Variants in TBC1D32 observed in about 807,000 individuals in gnomAD.
TBC1D32 encodes the protein TBC1 domain family member 32.
In TBC1D32, 151 loss-of-function variants were observed where a neutral mutation model predicts 170.3. That is an observed-to-expected ratio of 0.89 (90% CI 0.78 to 1.01). The LOEUF (loss-of-function observed/expected upper bound fraction) is 1.01. TBC1D32 is among the 50% of genes least tolerant of loss of function. The pLI is 0.00. For missense variants in TBC1D32, 1,464 were observed against 1,457.1 expected (o/e 1.00, Z -0.08); for synonymous variants, 498 against 488.0 (o/e 1.02, Z -0.27).
chr6:121,267,964 C>T (rs1800773166), intron 15 of TBC1D32, among the ~76,000 whole-genome samples: 2 of 152,172 alleles, frequency 1.3e-5, no homozygotes, highest in Non-Finnish European at 2.9e-5. Flanking sequence ...TGCTGTTCTG[C>T]AGCCTCCACT....
At chr6:121,220,000 C>A (rs1427309772) in intron 21 of TBC1D32, among the ~76,000 whole-genome samples, 1 of 152,188 alleles carries the variant, frequency 6.6e-6, no homozygotes. Context: ...CTGATTGTTC[C>A]ACCAACTGGT....
chr6:121,218,998 T>G (rs918934815), intron 21 of TBC1D32, among the ~76,000 whole-genome samples: 4 of 152,186 alleles, frequency 2.6e-5, no homozygotes, highest in Non-Finnish European at 5.9e-5. Flanking sequence ...TTATCCAGTC[T>G]CAAGTATGTC....
chr6:121,212,459 T>A (rs7453926), intron 21 of TBC1D32, among the ~76,000 whole-genome samples: 4 of 130,512 alleles, frequency 3.1e-5, no homozygotes, highest in African/African-American at 1.3e-4. Context: ...TCTTTTTTTT[T>A]TTTTTTTTTT....
chr6:121,131,427 A>G (rs1397717879), intron 25 of TBC1D32, among the ~76,000 whole-genome samples, 200 bp downstream of exon 25: 3 of 151,912 alleles, frequency 2.0e-5, no homozygotes, highest in Admixed American at 1.3e-4. Flanking sequence ...GACAGTTCCA[A>G]AAAGAAAAAA....
chr6:121,085,210 CATATATATACACAT>C (rs199819393), intron 31 of TBC1D32, among the ~76,000 whole-genome samples: 3,561 of 147,284 alleles, frequency 0.024, 145 homozygotes, highest in East Asian at 0.13. Flanking sequence ...TATATATACA[CATATATATACACAT>C]ATATATATAC....
At chr6:121,168,739 C>T (rs961679772) in intron 22 of TBC1D32, among the ~76,000 whole-genome samples, 60 of 96,390 alleles carry the variant, frequency 6.2e-4, no homozygotes, top group African/African-American at 2.1e-3. Context: ...AAAAAATCAA[C>T]ATGCAAAAAT....
At chr6:121,146,552 G>A (rs949391686) in intron 24 of TBC1D32, among the ~76,000 whole-genome samples, 1 of 152,148 alleles carries the variant, frequency 6.6e-6, no homozygotes, top group Non-Finnish European at 1.5e-5. Context: ...TTTGAGAAGA[G>A]AGAAATTTTG....
At chr6:121,115,115 G>A (rs1277297221) in intron 27 of TBC1D32, 57 bp downstream of exon 27, 2 of 1,353,026 alleles carry the variant, frequency 1.5e-6, no homozygotes, top group East Asian at 4.8e-5. Context: ...GAGCACATAT[G>A]AGGCAGATAA....
chr6:121,304,576 A>T lies in TBC1D32; in HGVS notation c.819T>A (p.Thr273=), dbSNP rs1563324078. 1 of 1,612,316 alleles carries T rather than the reference A, an allele frequency of 6.2e-7. No homozygotes were observed. Among genetic ancestry groups the T allele is most frequent in the Non-Finnish European group, 8.5e-7 (1 of 1,179,008 alleles). ...YFLSRENHIP[T]LSAGVDITNP... ...TAGTTATATCTACACCAGCTGAAAG[A>T]GTAGGAATATGATTTTCCCTAGAAA... Residue 273 remains threonine (T), a synonymous_variant, in exon 7 of 32, where the codon ACT becomes ACA. Coordinates refer to ENST00000398212, the MANE Select transcript of TBC1D32 (RefSeq NM_152730.6).
Position 121,080,645 on chromosome 6 carries a change from A to G in TBC1D32, c.*126T>C, listed in dbSNP as rs1331241368. The G allele has an allele frequency of 7.4e-6, 9 of 1,210,768 alleles. No individual in the cohort carries two copies. Among genetic ancestry groups the G allele is most frequent in the Non-Finnish European group, 4.5e-6 (4 of 886,224 alleles). 75.0% of individuals were successfully genotyped at this position (1,210,768 alleles called of 1,614,324 possible). On this transcript the variant is annotated 3_prime_UTR_variant, in exon 32 of 32. Coordinates refer to ENST00000398212, the MANE Select transcript of TBC1D32 (RefSeq NM_152730.6). ...CATACCTACTTAAATATATCGTTATACTTCTCAGTATTTACAATATGTATA... is the reference window on the plus strand; with the variant it reads ...CATACCTACTTAAATATATCGTTATGCTTCTCAGTATTTACAATATGTATA...
intron 4 of TBC1D32, among the ~76,000 whole-genome samples, chr6:121,310,205 T>C (rs1003910749): frequency 2.0e-5 from 3 of 152,120 alleles, no homozygotes; most frequent in African/African-American, 7.2e-5. Flanking sequence ...ACTATGTTAA[T>C]AACAATGTTT....
intron 22 of TBC1D32, among the ~76,000 whole-genome samples, chr6:121,183,221 C>A (rs551020262): frequency 6.6e-6 from 1 of 152,086 alleles, no homozygotes; most frequent in Non-Finnish European, 1.5e-5. Context: ...GAAGGAAAGA[C>A]AGTAAAATTC....
At chr6:121,204,970 T>C (rs772971608) in intron 22 of TBC1D32, 105 bp downstream of exon 22, 30 of 614,812 alleles carry the variant, frequency 4.9e-5, no homozygotes, top group Non-Finnish European at 4.3e-5. Context: ...AAGCATGCTT[T>C]TAAATATTAG....
At chr6:121,279,768 C>A (rs1168464506) in intron 14 of TBC1D32, among the ~76,000 whole-genome samples, 1 of 151,920 alleles carries the variant, frequency 6.6e-6, no homozygotes, top group Non-Finnish European at 1.5e-5. Flanking sequence ...ACTGAACTAA[C>A]CATATTTGCT....
chr6:121,249,217 T>C (rs1273631495), intron 17 of TBC1D32, among the ~76,000 whole-genome samples: 3 of 151,344 alleles, frequency 2.0e-5, no homozygotes, highest in Admixed American at 6.6e-5. Context: ...ATTATTATTA[T>C]TATTATTATC....
rs374187647 is a variant in TBC1D32 at position 121,279,180 on chromosome 6, A to G, written c.1674T>C (p.Ser558=). The change falls in exon 15 of 32, where the codon TCT becomes TCC. Residue 558 remains serine, a synonymous_variant. Transcript: ENST00000398212. ...GGAGTAAAATAAGCCCTTCTTCTAC[A>G]GATGCAATTCTTGCCAAAATACCAG... is the stretch of plus-strand genomic sequence containing the variant. The part of the protein sequence containing the change: ...HIAGILARIA[S]VEEGLILLLY... The G allele has an allele frequency of 9.3e-6, 15 of 1,612,078 alleles. No homozygotes were observed. The highest frequency in any genetic ancestry group is 1.3e-5 in the Non-Finnish European group (15 of 1,179,086).
intron 15 of TBC1D32, among the ~76,000 whole-genome samples, chr6:121,271,461 C>T (rs1275997518): frequency 6.6e-6 from 1 of 152,098 alleles, no homozygotes; most frequent in Non-Finnish European, 1.5e-5. Flanking sequence ...CATTCCTATA[C>T]ACCAATAACA....
chr6:121,299,615 T>A, intron 9 of TBC1D32, 110 bp from the exon 10 acceptor site: 1 of 1,069,040 alleles, frequency 9.4e-7, no homozygotes, highest in Non-Finnish European at 1.3e-6. Flanking sequence ...AGCTTAGGTT[T>A]AAACCCTTAT....
At chr6:121,136,366 A>T (rs1478234814) in intron 24 of TBC1D32, among the ~76,000 whole-genome samples, 1 of 152,180 alleles carries the variant, frequency 6.6e-6, no homozygotes, top group African/African-American at 2.4e-5. Flanking sequence ...AGGAAAAACT[A>T]ATCTTATAGC....
Sources: gnomAD v4.1 joint callset for allele counts (sites outside exome capture counted in the v4.1 genomes callset) on GRCh38, gnomAD v4.1.1 for gene constraint, MANE v1.5 for transcripts, NCBI Gene and HGNC (gene_info 2026-07-23, HGNC 2026-07-21) for gene names.